SMIM35: variants seen among roughly 807,000 people sequenced by gnomAD.
SMIM35 encodes small integral membrane protein 35.
chr11:118,011,094 A>G (rs1267513934), intron 4 of SMIM35, among the ~76,000 whole-genome samples: 2 of 152,214 alleles, frequency 1.3e-5, no homozygotes, highest in East Asian at 3.9e-4. Context: ...GGAAGTAAGG[A>G]AAAGAGGGGG....
At position 118,039,822 on chromosome 11, in the gene SMIM35, G is replaced by A. The variant is rs559442396; in HGVS notation, c.8-24013C>T. Among the ~76,000 whole-genome samples the A allele has an allele frequency of 7.9e-5, 12 of 151,254 alleles. No homozygotes were observed. In the South Asian group the frequency reaches 2.1e-3, roughly 26 times the overall value. Reference sequence around the variant, plus strand: ...TCCCAGCAATTTGGGAGGCCGAGGCGGGACTCGAGAAAAGGAGTTTGAGAC... The same window carrying A: ...TCCCAGCAATTTGGGAGGCCGAGGCAGGACTCGAGAAAAGGAGTTTGAGAC... On this transcript the variant is annotated intron_variant, in intron 1 of 4. Transcript: ENST00000689828.
chr11:118,079,584 G>A (rs1057276700), intron 1 of SMIM35, among the ~76,000 whole-genome samples: 2 of 152,272 alleles, frequency 1.3e-5, no homozygotes, highest in African/African-American at 2.4e-5. Context: ...TTACTGTTCC[G>A]GAGACCTAAA....
intron 2 of SMIM35, among the ~76,000 whole-genome samples, chr11:118,014,950 G>A (rs1023408677): frequency 1.3e-5 from 2 of 152,130 alleles, no homozygotes; most frequent in African/African-American, 4.8e-5. Flanking sequence ...TCCTAGCCTG[G>A]AGCCCAAAAG....
At chr11:118,048,946 C>CAAAAAAAAAAAAAAAA (rs57261529) in intron 1 of SMIM35, among the ~76,000 whole-genome samples, 1,699 of 60,246 alleles carry the variant, frequency 0.028, 307 homozygotes, top group African/African-American at 0.055. Context: ...TGAAGAGCTG[C>CAAAAAAAAAAAAAAAA]AAAAAAAAAA....
intron 1 of SMIM35, among the ~76,000 whole-genome samples, chr11:118,045,294 A>G (rs1031388135): frequency 3.3e-5 from 5 of 150,988 alleles, no homozygotes; most frequent in Non-Finnish European, 5.9e-5. Flanking sequence ...GCAGAAGAAT[A>G]GATATCACAT....
intron 1 of SMIM35, among the ~76,000 whole-genome samples, chr11:118,024,933 C>T (rs1043985059): frequency 1.3e-5 from 2 of 151,812 alleles, no homozygotes; most frequent in Admixed American, 1.3e-4. Context: ...TCCCTCTCTC[C>T]CCGATCTAGT....
At chr11:118,062,574 C>T (rs553698071) in intron 1 of SMIM35, among the ~76,000 whole-genome samples, 99 of 152,282 alleles carry the variant, frequency 6.5e-4, no homozygotes, top group Non-Finnish European at 1.1e-3. Flanking sequence ...CCATTTGCAA[C>T]GGAGAACAGG....
At chr11:118,070,076 C>T (rs920308884) in intron 1 of SMIM35, among the ~76,000 whole-genome samples, 1 of 152,130 alleles carries the variant, frequency 6.6e-6, no homozygotes, top group Admixed American at 6.6e-5. Context: ...AAGCTATGCA[C>T]GGAGGTCATT....
intron 1 of SMIM35, among the ~76,000 whole-genome samples, chr11:118,017,274 A>T (rs937042915): frequency 3.3e-5 from 5 of 152,244 alleles, no homozygotes; most frequent in Non-Finnish European, 1.5e-5. Context: ...AAGGCAATAG[A>T]ATTCCCAGAT....
intron 1 of SMIM35, among the ~76,000 whole-genome samples, chr11:118,079,707 C>G (rs1163885621): frequency 6.7e-6 from 1 of 149,694 alleles, no homozygotes; most frequent in Non-Finnish European, 1.5e-5. Context: ...TCCGTGCCAG[C>G]CTGGTACAGA....
chr11:118,085,931 G>T (rs1945522602), intron 1 of SMIM35, among the ~76,000 whole-genome samples: 1 of 152,242 alleles, frequency 6.6e-6, no homozygotes, highest in Non-Finnish European at 1.5e-5. Flanking sequence ...GTTCAGAAAG[G>T]TGGGAGAGAA....
intron 1 of SMIM35, among the ~76,000 whole-genome samples, chr11:118,019,123 G>A (rs1434857647): frequency 6.6e-6 from 1 of 151,994 alleles, no homozygotes; most frequent in Non-Finnish European, 1.5e-5. Flanking sequence ...ATATATCTAT[G>A]TAGATATAGA....
chr11:118,011,910 C>G (rs1178475055), intron 4 of SMIM35, among the ~76,000 whole-genome samples: 1 of 152,158 alleles, frequency 6.6e-6, no homozygotes, highest in Non-Finnish European at 1.5e-5. Context: ...AGTTGAAGAC[C>G]TCCAAATCCA....
Position 118,077,212 on chromosome 11 carries a change from C to G in SMIM35, c.7+9539G>C, listed in dbSNP as rs1050074897. On this transcript the variant is annotated intron_variant, in intron 1 of 4. Coordinates refer to ENST00000689828, the MANE Select transcript of SMIM35 (RefSeq NM_001394165.1). Reference sequence around the variant, plus strand: ...CAGGGACTTCTGACCTGCTGGCCAGCCAGGACCTGTGTGGGGAGGCCCTCC... The same window carrying G: ...CAGGGACTTCTGACCTGCTGGCCAGGCAGGACCTGTGTGGGGAGGCCCTCC... 11 of 1,529,100 alleles carry G rather than the reference C, an allele frequency of 7.2e-6. No individual in the cohort carries two copies. In the Admixed American group the frequency reaches 1.2e-4, roughly 16 times the overall value. 94.7% of individuals were successfully genotyped at this position (1,529,100 alleles called of 1,614,324 possible).
intron 1 of SMIM35, among the ~76,000 whole-genome samples, chr11:118,025,023 G>T (rs2058263602): frequency 6.6e-6 from 1 of 152,048 alleles, no homozygotes; most frequent in Admixed American, 6.5e-5. Flanking sequence ...TGTGGTATTT[G>T]GTTTTCTGTT....
intron 1 of SMIM35, among the ~76,000 whole-genome samples, chr11:118,080,479 C>T (rs904402251): frequency 1.2e-4 from 19 of 152,162 alleles, no homozygotes; most frequent in African/African-American, 4.3e-4. Context: ...CCAGCCTGAC[C>T]CTGGGGGTCA....
At chr11:118,070,292 T>C (rs1591310881) in intron 1 of SMIM35, among the ~76,000 whole-genome samples, 1 of 152,276 alleles carries the variant, frequency 6.6e-6, no homozygotes. Flanking sequence ...TTCTCCTGCC[T>C]CGGGCTCCCC....
intron 1 of SMIM35, among the ~76,000 whole-genome samples, chr11:118,017,801 C>T (rs1424579579): frequency 6.6e-6 from 1 of 152,080 alleles, no homozygotes; most frequent in African/African-American, 2.4e-5. Flanking sequence ...GAAACAAACA[C>T]GTCCTTCTTC....
intron 1 of SMIM35, among the ~76,000 whole-genome samples, chr11:118,057,782 C>T (rs764672777): frequency 1.3e-4 from 20 of 152,154 alleles, no homozygotes; most frequent in East Asian, 3.9e-4. Context: ...TTGGAGGTGT[C>T]GGGAGCTGGG....
Sources: allele counts gnomAD v4.1 joint callset (sites outside exome capture counted in the v4.1 genomes callset), GRCh38; gene constraint gnomAD v4.1.1; transcripts MANE v1.5; gene names NCBI Gene and HGNC (gene_info 2026-07-23, HGNC 2026-07-21).